The following NKAIN3 variants were observed in gnomAD, a reference collection of about 807,000 sequenced individuals.
NKAIN3 encodes the protein sodium/potassium transporting ATPase interacting 3, also known as sodium/potassium-transporting ATPase subunit beta-1-interacting protein 3.
Under a neutral mutation model 30.2 loss-of-function variants are expected in NKAIN3, and 25 were observed. The observed-to-expected ratio is 0.83, with a 90% confidence interval of 0.60 to 1.16. The LOEUF is 1.16. Ranked by LOEUF, NKAIN3 falls within the 50% of genes most tolerant of loss-of-function variation. NKAIN3 has a pLI of 0.00. For synonymous variants in NKAIN3, 91 were observed against 89.6 expected, an observed-to-expected ratio of 1.02 and a Z score of -0.09; for missense variants, 225 against 254.1, an observed-to-expected ratio of 0.89 and a Z score of 0.78.
chr8:62,918,623 A>G (rs2130858024), intron 5 of NKAIN3, 110 bp downstream of exon 5: 2 of 765,258 alleles, frequency 2.6e-6, no homozygotes, highest in South Asian at 1.7e-5. Context: ...GGAGTCTAAA[A>G]TGATTGAACT....
chr8:62,346,568 A>G (rs1024408188), intron 1 of NKAIN3, among the ~76,000 whole-genome samples: 5 of 152,102 alleles, frequency 3.3e-5, no homozygotes, highest in Non-Finnish European at 5.9e-5. Flanking sequence ...TGCAGAAGAA[A>G]TGAGCCCAGT....
intron 4 of NKAIN3, among the ~76,000 whole-genome samples, chr8:62,759,949 T>C (rs895713735): frequency 6.6e-6 from 1 of 151,964 alleles, no homozygotes; most frequent in African/African-American, 2.4e-5. Flanking sequence ...AACAACCCCA[T>C]CAACAAGTGG....
At chr8:62,711,184 C>G (rs1814707026) in intron 3 of NKAIN3, among the ~76,000 whole-genome samples, 1 of 152,178 alleles carries the variant, frequency 6.6e-6, no homozygotes, top group African/African-American at 2.4e-5. Context: ...TCTTTCATCT[C>G]AACTTTGGAT....
At chr8:62,352,396 T>C (rs542108637) in intron 1 of NKAIN3, among the ~76,000 whole-genome samples, 60 of 152,306 alleles carry the variant, frequency 3.9e-4, no homozygotes, top group African/African-American at 1.4e-3. Context: ...TTTTATTCAC[T>C]CATGCTGATT....
At chr8:62,784,629 C>T (rs1172381567) in intron 4 of NKAIN3, among the ~76,000 whole-genome samples, 1 of 151,876 alleles carries the variant, frequency 6.6e-6, no homozygotes, top group Non-Finnish European at 1.5e-5. Flanking sequence ...CTAAAAATCA[C>T]CCAACAACAA....
At position 62,421,604 on chromosome 8, in the gene NKAIN3, G is replaced by GTCTCTCTCTCTCTCTTTC. The variant is rs1388736767; in HGVS notation, c.55-157919_55-157902dup. ...GGAGGAGGATTTGGCTGCAATTGGA[G>GTCTCTCTCTCTCTCTTTC]TCTCTCTCTCTCTCTTTCTCTCTCT... On this transcript the variant is annotated intron_variant, in intron 1 of 6. Coordinates refer to ENST00000623646, the MANE Select transcript of NKAIN3 (RefSeq NM_001304533.3). Among the ~76,000 whole-genome samples the GTCTCTCTCTCTCTCTTTC allele has an allele frequency of 2.9e-3, 433 of 151,150 alleles. 1 individual carries two copies. The highest frequency in any genetic ancestry group is 3.0e-3 in the Non-Finnish European group (204 of 67,692).
chr8:62,783,822 G>GT (rs1313335166), intron 4 of NKAIN3, among the ~76,000 whole-genome samples: 2 of 151,754 alleles, frequency 1.3e-5, no homozygotes, highest in African/African-American at 2.4e-5. Context: ...CCTGTATTTT[G>GT]TTTTTTGTTT....
At chr8:62,325,891 G>A (rs1322977147) in intron 1 of NKAIN3, among the ~76,000 whole-genome samples, 2 of 151,812 alleles carry the variant, frequency 1.3e-5, no homozygotes, top group African/African-American at 4.8e-5. Context: ...GTTTCTTGTA[G>A]ATTCTGGATA....
At chr8:62,435,164 T>C (rs976485996) in intron 1 of NKAIN3, among the ~76,000 whole-genome samples, 1 of 152,054 alleles carries the variant, frequency 6.6e-6, no homozygotes, top group African/African-American at 2.4e-5. Flanking sequence ...CTAAAATGCT[T>C]CCCCCTGTTT....
chr8:62,717,306 T>A (rs1814938263), intron 3 of NKAIN3, among the ~76,000 whole-genome samples: 1 of 152,184 alleles, frequency 6.6e-6, no homozygotes, highest in South Asian at 2.1e-4. Context: ...CCTACAAGTA[T>A]CAGGATATTA....
chr8:62,763,259 A>AAAAAAAAAAAAAAAC (rs1563551311), intron 4 of NKAIN3, among the ~76,000 whole-genome samples: 3 of 140,376 alleles, frequency 2.1e-5, no homozygotes, highest in African/African-American at 8.3e-5. Context: ...AAAAAAAAAA[A>AAAAAAAAAAAAAAAC]AACTTATATA....
intron 4 of NKAIN3, among the ~76,000 whole-genome samples, chr8:62,887,631 C>T (rs12114516): frequency 0.29 from 43,798 of 151,948 alleles, 6,608 homozygotes; most frequent in African/African-American, 0.35. Flanking sequence ...TATGCGCAAG[C>T]TCAGAGATTT....
At chr8:62,752,322 G>A (rs182477556) in intron 4 of NKAIN3, among the ~76,000 whole-genome samples, 6 of 152,192 alleles carry the variant, frequency 3.9e-5, no homozygotes, top group African/African-American at 1.4e-4. Context: ...TCCTATTTAG[G>A]CTGGTCCGTC....
intron 3 of NKAIN3, among the ~76,000 whole-genome samples, chr8:62,736,353 G>A (rs1337910447): frequency 6.6e-6 from 1 of 152,156 alleles, no homozygotes; most frequent in Non-Finnish European, 1.5e-5. Context: ...AAGTCTTGCT[G>A]TGGTTACTGT....
At chr8:62,374,113 C>CAAAAAAAAAA (rs66521184) in intron 1 of NKAIN3, among the ~76,000 whole-genome samples, 4 of 64,340 alleles carry the variant, frequency 6.2e-5, no homozygotes, top group African/African-American at 7.0e-5. Context: ...ACTCCATCTC[C>CAAAAAAAAAA]AAAAAAAAAA....
At chr8:62,439,852 G>A (rs1048820927) in intron 1 of NKAIN3, among the ~76,000 whole-genome samples, 3 of 152,160 alleles carry the variant, frequency 2.0e-5, no homozygotes, top group African/African-American at 7.2e-5. Flanking sequence ...CTTGTATTGG[G>A]AAAGTGTTGT....
rs1408396518 is a variant in NKAIN3, at chr8:62,965,486, C to G, written c.*79C>G. 1 of 985,558 alleles carries G rather than the reference C, an allele frequency of 1.0e-6. No homozygotes were observed. The highest frequency in any genetic ancestry group is 1.2e-6 in the Non-Finnish European group (1 of 829,904). 61.1% of individuals were successfully genotyped at this position (985,558 alleles called of 1,614,324 possible). On this transcript the variant is annotated 3_prime_UTR_variant, in exon 7 of 7. Transcript: ENST00000623646. ...CCTTCCAGAGGCTAGACTGTGCTTC[C>G]TGGCTTTCCCACGAATCATGGAGCA...
intron 6 of NKAIN3, among the ~76,000 whole-genome samples, chr8:62,956,247 G>T (rs190233314): frequency 6.6e-6 from 1 of 152,288 alleles, no homozygotes; most frequent in Admixed American, 6.5e-5. Context: ...CCAACCTTCT[G>T]TGCGAAATTG....
At chr8:62,759,043 A>G (rs183546811) in intron 4 of NKAIN3, among the ~76,000 whole-genome samples, 14 of 152,208 alleles carry the variant, frequency 9.2e-5, no homozygotes, top group Admixed American at 8.5e-4. Context: ...AGTTAATCAC[A>G]CTCTTTTTTC....
Sources: allele counts gnomAD v4.1 joint callset (sites outside exome capture counted in the v4.1 genomes callset), GRCh38; gene constraint gnomAD v4.1.1; transcripts MANE v1.5; gene names NCBI Gene and HGNC (gene_info 2026-07-23, HGNC 2026-07-21).